Variants in PAM observed in about 807,000 individuals in gnomAD.
PAM encodes peptidylglycine alpha-amidating monooxygenase.
Under a neutral mutation model 122.1 loss-of-function variants are expected in PAM, and 72 were observed. That is an observed-to-expected ratio of 0.59 (90% CI 0.49 to 0.72). PAM has a LOEUF of 0.72. PAM is among the 30% of genes least tolerant of loss of function. PAM has a pLI of 0.00. For synonymous variants in PAM, 389 were observed against 404.4 expected (o/e 0.96, Z 0.46); for missense variants, 1,106 against 1,183.7 (o/e 0.93, Z 0.96).
In PAM at chr5:102,928,071, C is replaced by G. The variant is rs1750216748; in HGVS notation, c.526+1403C>G. On this transcript the variant is annotated intron_variant, in intron 7 of 25. Transcript: ENST00000438793. ...AGACTGCTGACTTCCAAAGTATTGA[C>G]AAAGCTTTAATTTCCTCAAAAAAGG... 3.3e-5 allele frequency among the ~76,000 whole-genome samples: 5 copies of G among 152,164 alleles called. No individual in the cohort carries two copies. The South Asian group carries it at 1.0e-3, about 32-fold the overall frequency.
At chr5:102,927,330 T>C (rs550907646) in intron 7 of PAM, among the ~76,000 whole-genome samples, 16 of 152,356 alleles carry the variant, frequency 1.1e-4, no homozygotes, top group East Asian at 7.7e-4. Context: ...TTGTTACTCC[T>C]GCTGCTGCAT....
chr5:102,790,258 C>A (rs570491309), intron 1 of PAM, among the ~76,000 whole-genome samples: 4 of 151,980 alleles, frequency 2.6e-5, no homozygotes, highest in Non-Finnish European at 5.9e-5. Context: ...ATTATGGAAA[C>A]GAATGTGTCC....
chr5:102,973,874 T>C (rs1766697034), intron 14 of PAM, among the ~76,000 whole-genome samples: 1 of 152,168 alleles, frequency 6.6e-6, no homozygotes, highest in Non-Finnish European at 1.5e-5. Context: ...TACATAAGCA[T>C]TATTTTTTCT....
At chr5:103,000,580 G>C (rs1777083546) in intron 16 of PAM, among the ~76,000 whole-genome samples, 1 of 152,102 alleles carries the variant, frequency 6.6e-6, no homozygotes, top group Admixed American at 6.6e-5. Context: ...TGCTAATAAA[G>C]ACATACCCAA....
At chr5:102,878,800 T>C (rs1012122334) in intron 3 of PAM, among the ~76,000 whole-genome samples, 1 of 152,150 alleles carries the variant, frequency 6.6e-6, no homozygotes, top group Admixed American at 6.5e-5. Context: ...TTATACACTA[T>C]GTAATGTTTG....
chr5:102,756,027 C>G (rs1016647935), intron 1 of PAM, among the ~76,000 whole-genome samples: 2 of 152,200 alleles, frequency 1.3e-5, no homozygotes, highest in Non-Finnish European at 2.9e-5. Context: ...GTTCAGTCAC[C>G]TTCCCAGCTC....
intron 13 of PAM, among the ~76,000 whole-genome samples, chr5:102,960,824 T>C (rs1471546935): frequency 6.6e-6 from 1 of 151,806 alleles, no homozygotes; most frequent in African/African-American, 2.4e-5. Context: ...AAAGTGTTCT[T>C]AAATGTTCTT....
At chr5:103,015,479 G>A (rs1471250620) in intron 21 of PAM, among the ~76,000 whole-genome samples, 2 of 152,110 alleles carry the variant, frequency 1.3e-5, no homozygotes, top group South Asian at 2.1e-4. Context: ...GCAAAGGCTA[G>A]ATTAGAAGAT....
At chr5:102,786,411 T>A (rs1404887277) in intron 1 of PAM, among the ~76,000 whole-genome samples, 2 of 152,332 alleles carry the variant, frequency 1.3e-5, no homozygotes, top group Admixed American at 1.3e-4. Flanking sequence ...TTCGTAATCA[T>A]TAGTGTAAGC....
intron 1 of PAM, among the ~76,000 whole-genome samples, chr5:102,792,129 G>A (rs1212602291): frequency 6.6e-6 from 1 of 151,884 alleles, no homozygotes; most frequent in Non-Finnish European, 1.5e-5. Context: ...ATTGTTTGGG[G>A]GTTGTAATTT....
At chr5:102,849,636 G>A (rs188482661) in intron 1 of PAM, among the ~76,000 whole-genome samples, 1 of 151,804 alleles carries the variant, frequency 6.6e-6, no homozygotes, top group African/African-American at 2.4e-5. Context: ...GTTCAGTGGA[G>A]AGCATTAGTT....
intron 3 of PAM, among the ~76,000 whole-genome samples, chr5:102,895,749 A>G (rs540236385): frequency 6.6e-6 from 1 of 151,686 alleles, no homozygotes; most frequent in South Asian, 2.1e-4. Flanking sequence ...CTTAGCACAG[A>G]AATATGGTGT....
intron 23 of PAM, among the ~76,000 whole-genome samples, 191 bp downstream of exon 23, chr5:103,020,034 A>T (rs904115664): frequency 6.6e-6 from 1 of 152,104 alleles, no homozygotes; most frequent in Non-Finnish European, 1.5e-5. Flanking sequence ...TAAATGGAGC[A>T]GTCATAATGA....
intron 3 of PAM, among the ~76,000 whole-genome samples, chr5:102,891,460 G>T: frequency 6.6e-6 from 1 of 151,844 alleles, no homozygotes; most frequent in East Asian, 1.9e-4. Flanking sequence ...TAAGGGAAAT[G>T]AATAGGTCAC....
chr5:102,969,152 G>A (rs1765037471), intron 14 of PAM, among the ~76,000 whole-genome samples: 1 of 151,950 alleles, frequency 6.6e-6, no homozygotes, highest in African/African-American at 2.4e-5. Context: ...ATGGGTTGAT[G>A]GGTGCAGCAA....
intron 4 of PAM, among the ~76,000 whole-genome samples, chr5:102,901,665 T>C (rs535138677): frequency 2.2e-4 from 33 of 151,704 alleles, no homozygotes; most frequent in African/African-American, 7.5e-4. Flanking sequence ...CCGCCAATAC[T>C]GTGTGGTCCC....
chr5:102,908,788 G>A (rs1451641512), intron 4 of PAM, among the ~76,000 whole-genome samples: 5 of 151,556 alleles, frequency 3.3e-5, no homozygotes. Context: ...TCCAGGAAAA[G>A]GTCTTTGTTT....
At chr5:102,857,013 C>T (rs1782818069) in intron 1 of PAM, among the ~76,000 whole-genome samples, 1 of 152,148 alleles carries the variant, frequency 6.6e-6, no homozygotes, top group Non-Finnish European at 1.5e-5. Context: ...CCCTGTGTTC[C>T]ACCTAGGGTG....
chr5:102,970,895 C>T (rs1480175339), intron 14 of PAM, among the ~76,000 whole-genome samples: 1 of 152,054 alleles, frequency 6.6e-6, no homozygotes, highest in African/African-American at 2.4e-5. Flanking sequence ...CAAACTCTGC[C>T]TCTGGGGTTC....
Sources: allele counts gnomAD v4.1 joint callset (sites outside exome capture counted in the v4.1 genomes callset), GRCh38; gene constraint gnomAD v4.1.1; transcripts MANE v1.5; gene names NCBI Gene and HGNC (gene_info 2026-07-23, HGNC 2026-07-21).